Variants in RABGAP1L observed in about 807,000 individuals in gnomAD.
RABGAP1L encodes the protein RAB GTPase activating protein 1 like.
In RABGAP1L, 63 loss-of-function variants were observed where a neutral mutation model predicts 137.7. That is an observed-to-expected ratio of 0.46 (90% CI 0.37 to 0.56). The LOEUF (loss-of-function observed/expected upper bound fraction) is 0.56. Among genes scored for constraint, RABGAP1L ranks in the 20% least tolerant of loss-of-function variants. The pLI is 0.00. For missense variants in RABGAP1L, 1,095 were observed against 1,244.0 expected (o/e 0.88, Z 1.80); for synonymous variants, 431 against 433.7 (o/e 0.99, Z 0.08).
At chr1:174,885,717 C>A (rs1654975805) in intron 19 of RABGAP1L, among the ~76,000 whole-genome samples, 2 of 152,022 alleles carry the variant, frequency 1.3e-5, no homozygotes, top group African/African-American at 4.8e-5. Context: ...CCTGTAATCC[C>A]AGCACTTTGG....
intron 13 of RABGAP1L, among the ~76,000 whole-genome samples, chr1:174,421,421 T>C (rs1163406776): frequency 6.6e-6 from 1 of 152,250 alleles, no homozygotes; most frequent in African/African-American, 2.4e-5. Context: ...TTTAAAAATG[T>C]TTCAGTGACA....
intron 13 of RABGAP1L, among the ~76,000 whole-genome samples, chr1:174,575,516 G>T (rs1441470036): frequency 6.6e-6 from 1 of 151,988 alleles, no homozygotes; most frequent in Non-Finnish European, 1.5e-5. Flanking sequence ...TTTAAGCAAG[G>T]TCTTGTATAT....
In RABGAP1L at chr1:174,350,335, G is replaced by A. The variant is rs1225640545; in HGVS notation, c.1466-20644G>A. 1.2e-4 allele frequency among the ~76,000 whole-genome samples: 10 copies of A among 83,534 alleles called. No homozygotes were observed. The East Asian group carries it at 4.1e-3, about 34-fold the overall frequency. The allele number at this position is 83,534 out of a possible 152,430, so 54.8% of individuals were successfully genotyped here. A position where few individuals can be genotyped will look rare whatever the true frequency, so the allele number is the denominator to read the frequency against. ...CGGAGGGGCTCCTCACTTCTCAGAC[G>A]GGGTGGTTGCCAGGCAGAGGGTCTC... On this transcript the variant is annotated intron_variant, in intron 11 of 25. Transcript: ENST00000681986.
intron 13 of RABGAP1L, among the ~76,000 whole-genome samples, chr1:174,499,070 T>C (rs1013769): frequency 0.2 from 30,222 of 151,966 alleles, 3,437 homozygotes; most frequent in Admixed American, 0.24. Context: ...GGCCAAAATA[T>C]CACAATGAAC....
intron 4 of RABGAP1L, among the ~76,000 whole-genome samples, chr1:174,240,907 GATA>G (rs1273975428): frequency 6.7e-5 from 10 of 149,658 alleles, no homozygotes; most frequent in African/African-American, 2.3e-4. Flanking sequence ...ATTGTGAGAA[GATA>G]ATAAAGAATT....
chr1:174,416,156 G>A lies in RABGAP1L; in HGVS notation c.1710+22011G>A, dbSNP rs768347325. Among the ~76,000 whole-genome samples, 24 of 151,488 alleles carry A rather than the reference G, an allele frequency of 1.6e-4. 2 individuals carry two copies. The highest frequency in any genetic ancestry group is 6.8e-3 in the Middle Eastern group (2 of 294). On this transcript the variant is annotated intron_variant, in intron 13 of 25. Coordinates refer to ENST00000681986, the MANE Select transcript of RABGAP1L (RefSeq NM_001366446.1). ...CCCATTTGGACAAAAAATAGATTGA[G>A]CTTAATACTAGGAAAAAGATTATGC...
intron 14 of RABGAP1L, among the ~76,000 whole-genome samples, chr1:174,677,254 GGAGGCTTCAGT>G: frequency 6.6e-6 from 1 of 152,194 alleles, no homozygotes; most frequent in Non-Finnish European, 1.5e-5. Flanking sequence ...CCTGGGAGGT[GGAGGCTTCAGT>G]GAGCCGACAG....
At chr1:174,340,609 C>T (rs1471436296) in intron 11 of RABGAP1L, among the ~76,000 whole-genome samples, 1 of 152,106 alleles carries the variant, frequency 6.6e-6, no homozygotes, top group Non-Finnish European at 1.5e-5. Flanking sequence ...GATCTTGTTC[C>T]TTTTTATGGC....
chr1:174,654,967 C>T lies in RABGAP1L; in HGVS notation c.1824+17479C>T, dbSNP rs142670662. Among the ~76,000 whole-genome samples, 4 of 151,884 alleles carry T rather than the reference C, an allele frequency of 2.6e-5. No individual in the cohort carries two copies. In the East Asian group the frequency reaches 7.7e-4, roughly 29 times the overall value. The stretch of plus-strand genomic sequence containing the variant: ...TAAACTCATTTTTTATGATTAGATT[C>T]AACAGAGAAAATGATACTGTTAAAT... On this transcript the variant is annotated intron_variant, in intron 14 of 25. Coordinates refer to ENST00000681986, the MANE Select transcript of RABGAP1L (RefSeq NM_001366446.1).
chr1:174,398,150 A>G (rs1648104632), intron 13 of RABGAP1L, among the ~76,000 whole-genome samples: 1 of 152,148 alleles, frequency 6.6e-6, no homozygotes, highest in African/African-American at 2.4e-5. Flanking sequence ...GTAGCAATAT[A>G]CACTTGGAAT....
intron 7 of RABGAP1L, among the ~76,000 whole-genome samples, chr1:174,255,136 C>CT (rs1673015016): frequency 2.0e-5 from 3 of 152,204 alleles, no homozygotes; most frequent in African/African-American, 7.2e-5. Context: ...TAAATGTCTT[C>CT]TTTTGAGAGG....
chr1:174,756,247 G>A (rs941225068), intron 18 of RABGAP1L, among the ~76,000 whole-genome samples: 1 of 152,036 alleles, frequency 6.6e-6, no homozygotes, highest in African/African-American at 2.4e-5. Flanking sequence ...CTCCTGGGGT[G>A]CAAGTGATTC....
chr1:174,171,544 TA>T (rs1665382674), intron 1 of RABGAP1L, among the ~76,000 whole-genome samples: 1 of 152,106 alleles, frequency 6.6e-6, no homozygotes, highest in Admixed American at 6.5e-5. Flanking sequence ...ACAATATGAA[TA>T]ATTATAGACT....
intron 13 of RABGAP1L, among the ~76,000 whole-genome samples, chr1:174,403,635 A>G (rs1648906948): frequency 6.6e-6 from 1 of 152,166 alleles, no homozygotes; most frequent in South Asian, 2.1e-4. Flanking sequence ...GAACAACAGT[A>G]ATAGCAATGT....
intron 5 of RABGAP1L, among the ~76,000 whole-genome samples, chr1:174,247,548 A>G (rs1278428540): frequency 1.3e-5 from 2 of 152,220 alleles, no homozygotes; most frequent in Non-Finnish European, 2.9e-5. Context: ...ATAATATACA[A>G]ATGGTAGCCA....
intron 11 of RABGAP1L, among the ~76,000 whole-genome samples, chr1:174,315,210 C>G (rs572965876): frequency 3.9e-5 from 6 of 152,018 alleles, no homozygotes; most frequent in Non-Finnish European, 8.8e-5. Flanking sequence ...ATCTTTTTGC[C>G]GAATTGATCC....
chr1:174,950,048 A>G (rs1029261734), intron 19 of RABGAP1L, among the ~76,000 whole-genome samples: 40 of 152,226 alleles, frequency 2.6e-4, no homozygotes, highest in African/African-American at 9.2e-4. Context: ...GTCCAGGTAC[A>G]TGTCACAAGT....
chr1:174,641,154 G>T (rs1044182386), intron 14 of RABGAP1L, among the ~76,000 whole-genome samples: 2 of 151,828 alleles, frequency 1.3e-5, no homozygotes, highest in African/African-American at 2.4e-5. Context: ...GAGAATTTCA[G>T]TGACAATAAG....
chr1:174,845,132 T>C (rs1277466603), intron 19 of RABGAP1L, among the ~76,000 whole-genome samples: 9 of 149,470 alleles, frequency 6.0e-5, no homozygotes, highest in African/African-American at 1.9e-4. Flanking sequence ...TGGGCTGAGA[T>C]GATGGAGTTT....
Sources: allele counts gnomAD v4.1 joint callset (sites outside exome capture counted in the v4.1 genomes callset), GRCh38; gene constraint gnomAD v4.1.1; transcripts MANE v1.5; gene names NCBI Gene and HGNC (gene_info 2026-07-23, HGNC 2026-07-21).